Variants in ANKS1B observed in about 807,000 individuals in gnomAD.
ANKS1B encodes the protein ankyrin repeat and sterile alpha motif domain containing 1B.
A neutral mutation model predicts 148.3 loss-of-function variants in ANKS1B; 36 were observed. The observed-to-expected ratio is 0.24, with a 90% CI of 0.19 to 0.32. The LOEUF (loss-of-function observed/expected upper bound fraction) is 0.32, where lower values mean the gene tolerates loss of function less well. ANKS1B is among the 10% of genes least tolerant of loss of function. The pLI is 1.00. For synonymous variants in ANKS1B, 542 were observed against 560.8 expected (o/e 0.97, Z 0.47); for missense variants, 1,157 against 1,542.6 (o/e 0.75, Z 4.19).
At chr12:99,398,099 C>G (rs1420478074) in intron 12 of ANKS1B, among the ~76,000 whole-genome samples, 1 of 151,982 alleles carries the variant, frequency 6.6e-6, no homozygotes, top group African/African-American at 2.4e-5. Context: ...ATTCTAAGTG[C>G]GATTAGAAGA....
At chr12:99,080,748 A>C (rs190848093) in intron 16 of ANKS1B, among the ~76,000 whole-genome samples, 27 of 152,346 alleles carry the variant, frequency 1.8e-4, no homozygotes, top group Non-Finnish European at 2.9e-4. Context: ...TTTCTGGAAA[A>C]AACTAAGTTT....
intron 17 of ANKS1B, among the ~76,000 whole-genome samples, chr12:99,039,241 C>A (rs565480997): frequency 9.8e-5 from 15 of 152,342 alleles, no homozygotes; most frequent in Admixed American, 9.8e-4. Flanking sequence ...CAACTGATGG[C>A]AGCACCCAGG....
At chr12:98,960,483 C>G (rs768700720) in intron 17 of ANKS1B, among the ~76,000 whole-genome samples, 11 of 152,126 alleles carry the variant, frequency 7.2e-5, no homozygotes, top group Non-Finnish European at 1.5e-4. Flanking sequence ...AAACTTAGAT[C>G]ACAACACTCA....
chr12:99,659,067 A>C (rs536078088), intron 8 of ANKS1B, among the ~76,000 whole-genome samples: 2 of 152,178 alleles, frequency 1.3e-5, no homozygotes, highest in African/African-American at 4.8e-5. Flanking sequence ...TTGTATCACA[A>C]ATATCAAGAT....
chr12:99,041,921 A>C (rs2099959278), intron 17 of ANKS1B, among the ~76,000 whole-genome samples: 1 of 152,124 alleles, frequency 6.6e-6, no homozygotes, highest in South Asian at 2.1e-4. Context: ...GCACTGCCTG[A>C]GCCTGGAAGG....
chr12:99,842,837 A>C (rs767198326), intron 1 of ANKS1B, among the ~76,000 whole-genome samples: 1 of 152,166 alleles, frequency 6.6e-6, no homozygotes, highest in Non-Finnish European at 1.5e-5. Context: ...TGAGCATTGA[A>C]AAGTATATTC....
rs1049087769 is a variant in ANKS1B at position 99,042,335 on chromosome 12, G to C, written c.2778+10822C>G. ...TTCTTTGTTATGAAGACATGTCTGC[G>C]ATAGCATACTAGAGAGTGGGGCACA... On this transcript the variant is annotated intron_variant, in intron 17 of 26. Coordinates refer to ENST00000683438, the MANE Select transcript of ANKS1B (RefSeq NM_001352186.2). Among the ~76,000 whole-genome samples, 10 of 152,226 alleles carry C rather than the reference G, an allele frequency of 6.6e-5. No individual in the cohort carries two copies. The East Asian group carries it at 9.7e-4, about 15-fold the overall frequency.
intron 9 of ANKS1B, among the ~76,000 whole-genome samples, chr12:99,651,972 T>C (rs370039065): frequency 6.6e-6 from 1 of 151,432 alleles, no homozygotes; most frequent in South Asian, 2.1e-4. Context: ...CTATACATAT[T>C]ATATTTTTAA....
intron 17 of ANKS1B, among the ~76,000 whole-genome samples, chr12:98,834,042 C>T (rs375859673): frequency 2.0e-4 from 30 of 152,260 alleles, no homozygotes; most frequent in Admixed American, 1.1e-3. Context: ...ACTCACACTA[C>T]GCCCTATTCC....
At chr12:99,961,228 CA>C (rs920085323) in intron 1 of ANKS1B, among the ~76,000 whole-genome samples, 1 of 94,652 alleles carries the variant, frequency 1.1e-5, no homozygotes. Context: ...GACTCCCTCT[CA>C]AAAAAAACAA....
chr12:99,827,355 C>A (rs1383833920), intron 1 of ANKS1B, among the ~76,000 whole-genome samples: 1 of 150,142 alleles, frequency 6.7e-6, no homozygotes, highest in Non-Finnish European at 1.5e-5. Context: ...ATCAAATATA[C>A]AGAGATAGAG....
At chr12:99,225,979 C>T (rs776883142) in intron 14 of ANKS1B, among the ~76,000 whole-genome samples, 1 of 152,210 alleles carries the variant, frequency 6.6e-6, no homozygotes, top group Non-Finnish European at 1.5e-5. Context: ...CTCCTTTTTA[C>T]ATTTTTCCTT....
chr12:99,766,108 T>C (rs1389284261), intron 8 of ANKS1B, among the ~76,000 whole-genome samples: 1 of 152,226 alleles, frequency 6.6e-6, no homozygotes, highest in Non-Finnish European at 1.5e-5. Context: ...CATTTTGCAA[T>C]GATAATGGTT....
intron 17 of ANKS1B, among the ~76,000 whole-genome samples, chr12:98,922,568 G>A (rs774042131): frequency 1.3e-5 from 2 of 152,144 alleles, no homozygotes; most frequent in South Asian, 2.1e-4. Context: ...GCACAATCTC[G>A]GCTCACTGCA....
chr12:99,331,270 G>A (rs2087493204), intron 12 of ANKS1B, among the ~76,000 whole-genome samples: 1 of 151,838 alleles, frequency 6.6e-6, no homozygotes. Flanking sequence ...AAAAGAAACA[G>A]TACTCTAATA....
intron 8 of ANKS1B, among the ~76,000 whole-genome samples, chr12:99,724,705 TAG>T (rs1230014452): frequency 6.6e-6 from 1 of 151,882 alleles, no homozygotes; most frequent in Non-Finnish European, 1.5e-5. Context: ...ACATAATCAT[TAG>T]ATTCTCCAAG....
chr12:99,850,757 G>GAT (rs1486088333), intron 1 of ANKS1B, among the ~76,000 whole-genome samples: 1 of 152,042 alleles, frequency 6.6e-6, no homozygotes, highest in Non-Finnish European at 1.5e-5. Flanking sequence ...GTTTAAGAGT[G>GAT]ATAGTATTTT....
intron 12 of ANKS1B, among the ~76,000 whole-genome samples, chr12:99,318,180 A>C (rs1190961644): frequency 2.0e-5 from 3 of 152,210 alleles, no homozygotes; most frequent in African/African-American, 4.8e-5. Context: ...CTGTCCTCAT[A>C]AAATGAGTTA....
At chr12:98,888,441 T>C (rs568885443) in intron 17 of ANKS1B, among the ~76,000 whole-genome samples, 5 of 152,354 alleles carry the variant, frequency 3.3e-5, no homozygotes, top group African/African-American at 1.2e-4. Flanking sequence ...ACCCAGTCTT[T>C]ACACAGCAGC....
Sources: gnomAD v4.1 joint callset for allele counts (sites outside exome capture counted in the v4.1 genomes callset) on GRCh38, gnomAD v4.1.1 for gene constraint, MANE v1.5 for transcripts, NCBI Gene and HGNC (gene_info 2026-07-23, HGNC 2026-07-21) for gene names.